The following CNTNAP4 variants were observed in gnomAD, a reference collection of about 807,000 sequenced individuals.
CNTNAP4 encodes the protein contactin associated protein family member 4.
In CNTNAP4, 98 loss-of-function variants were observed where a neutral mutation model predicts 148.4. The observed-to-expected ratio is 0.66, with a 90% CI of 0.56 to 0.78. The LOEUF is 0.78. Ranked by LOEUF, CNTNAP4 falls within the 30% of genes least tolerant of loss-of-function variation. The pLI, the probability that CNTNAP4 is intolerant of heterozygous loss-of-function variation, is 0.00. For missense variants in CNTNAP4, 1,935 were observed against 1,565.6 expected (o/e 1.24, Z -3.98); for synonymous variants, 730 against 565.1 (o/e 1.29, Z -4.14).
intron 2 of CNTNAP4, among the ~76,000 whole-genome samples, chr16:76,344,785 C>T (rs1325205254): frequency 2.6e-5 from 4 of 152,314 alleles, no homozygotes; most frequent in African/African-American, 4.8e-5. Flanking sequence ...AAAGTCACCT[C>T]TTTCGGTTGT....
intron 9 of CNTNAP4, among the ~76,000 whole-genome samples, chr16:76,462,315 T>G (rs981800617): frequency 2.0e-5 from 3 of 152,238 alleles, no homozygotes; most frequent in African/African-American, 7.2e-5. Context: ...GTTTACAGTT[T>G]CTTGATGAGA....
chr16:76,488,020 G>A (rs912539389), intron 12 of CNTNAP4, among the ~76,000 whole-genome samples: 10 of 152,116 alleles, frequency 6.6e-5, no homozygotes, highest in African/African-American at 2.2e-4. Context: ...TTGATTTACC[G>A]CAAGAAAAGG....
intron 3 of CNTNAP4, among the ~76,000 whole-genome samples, chr16:76,424,717 C>A (rs2079318194): frequency 1.3e-5 from 2 of 151,848 alleles, no homozygotes; most frequent in African/African-American, 2.4e-5. Context: ...TGAGATTGTG[C>A]CACTGCACTC....
At chr16:76,445,149 C>G (rs2080192439) in intron 4 of CNTNAP4, among the ~76,000 whole-genome samples, 1 of 152,132 alleles carries the variant, frequency 6.6e-6, no homozygotes, top group African/African-American at 2.4e-5. Flanking sequence ...AGTTATAGGA[C>G]TTGAAGACTG....
chr16:76,344,003 G>A (rs970401363), intron 2 of CNTNAP4, among the ~76,000 whole-genome samples: 8 of 152,192 alleles, frequency 5.3e-5, no homozygotes, highest in Admixed American at 4.6e-4. Context: ...GCAATTCATT[G>A]TGTAGTAAAA....
At chr16:76,480,258 T>G (rs978164777) in intron 12 of CNTNAP4, among the ~76,000 whole-genome samples, 1 of 152,194 alleles carries the variant, frequency 6.6e-6, no homozygotes, top group South Asian at 2.1e-4. Flanking sequence ...ATTAGGATTG[T>G]CATTGAACAA....
At position 76,553,450 on chromosome 16, in the gene CNTNAP4, GC is replaced by G; in HGVS notation, c.3613del (p.Gln1205SerfsTer22). ...TGHVTESSCM[A>X]QPGTDATSRE... ...ACACGTGACTGAGTCCAGCTGTATG[GC>G]CCAGCCTGGCACTGATGCCACATCA... On this transcript the variant is annotated frameshift_variant, in exon 22 of 24. Coordinates refer to ENST00000611870, the MANE Select transcript of CNTNAP4 (RefSeq NM_033401.5). LOFTEE classifies it high-confidence loss of function. 6.2e-7 allele frequency: 1 copy of G among 1,612,464 alleles called. No homozygotes were observed. The highest frequency in any genetic ancestry group is 8.5e-7 in the Non-Finnish European group (1 of 1,179,290).
chr16:76,489,839 A>T lies in CNTNAP4; in HGVS notation c.2036A>T (p.Glu679Val), dbSNP rs763526072. 2 of 1,593,946 alleles carry T rather than the reference A, an allele frequency of 1.3e-6. No homozygotes were observed. Among genetic ancestry groups the T allele is most frequent in the Non-Finnish European group, 1.7e-6 (2 of 1,167,452 alleles). ...TINRAEHCEQEFTYYCKKSRL... is the reference protein window; with the variant it reads ...TINRAEHCEQVFTYYCKKSRL... ...AACCGTGCAGAGCACTGTGAACAGG[A>T]GTTTACTTATTACTGCAAGAAGTCA... The change falls in exon 13 of 24, where the codon GAG becomes GTG. Residue 679 changes from glutamate (E) to valine (V), a missense_variant. Physicochemically the swap from Glu to Val is moderately radical, Grantham distance 121. Transcript: ENST00000611870.
chr16:76,306,669 A>G (rs969206370), intron 1 of CNTNAP4, among the ~76,000 whole-genome samples: 3 of 152,162 alleles, frequency 2.0e-5, no homozygotes, highest in African/African-American at 7.2e-5. Flanking sequence ...TTCCAAATCA[A>G]TTTATCACAC....
At chr16:76,396,539 C>G (rs1567993100) in intron 3 of CNTNAP4, among the ~76,000 whole-genome samples, 1 of 152,206 alleles carries the variant, frequency 6.6e-6, no homozygotes, top group Non-Finnish European at 1.5e-5. Flanking sequence ...TTGATCTTCA[C>G]TCAGACATGA....
chr16:76,553,395 C>T lies in CNTNAP4; in HGVS notation c.3555C>T (p.Pro1185=). ...CCCCTCTGAAGGCAGCTCTGCACCCCAGCCACCCAGACCCTGTCACTGTTA... is the reference window on the plus strand; with the variant it reads ...CCCCTCTGAAGGCAGCTCTGCACCCTAGCCACCCAGACCCTGTCACTGTTA... ...HVAPLKAALH[P]SHPDPVTVTG... is the part of the protein sequence containing the mutation. Residue 1185 remains proline, a synonymous_variant, in exon 22 of 24, where the codon CCC becomes CCT. Transcript: ENST00000611870. 1 of 1,612,530 alleles carries T rather than the reference C, an allele frequency of 6.2e-7. No individual in the cohort carries two copies. The highest frequency in any genetic ancestry group is 8.5e-7 in the Non-Finnish European group (1 of 1,179,214).
At chr16:76,333,995 T>A (rs1307569724) in intron 2 of CNTNAP4, among the ~76,000 whole-genome samples, 1 of 151,826 alleles carries the variant, frequency 6.6e-6, no homozygotes, top group East Asian at 1.9e-4. Flanking sequence ...GATTTGCATT[T>A]CTCTGATGGC....
intron 17 of CNTNAP4, among the ~76,000 whole-genome samples, chr16:76,533,795 A>G (rs2084094414): frequency 6.6e-6 from 1 of 152,220 alleles, no homozygotes; most frequent in Non-Finnish European, 1.5e-5. Context: ...ACTTGTGACA[A>G]TGGCAATATG....
intron 21 of CNTNAP4, among the ~76,000 whole-genome samples, chr16:76,543,947 ACC>A (rs34377120): frequency 0.22 from 32,721 of 151,918 alleles, 3,711 homozygotes; most frequent in African/African-American, 0.29. Flanking sequence ...TTAAATACAT[ACC>A]TTGTGATCAC....
Position 76,461,986 on chromosome 16 carries a change from C to T in CNTNAP4, c.1364C>T (p.Ser455Phe), listed in dbSNP as rs147714447. Residue 455 changes from serine to phenylalanine, a missense_variant, in exon 9 of 24, where the codon TCT (serine) becomes TTT (phenylalanine). By Grantham distance (155) the Ser-to-Phe change is radical. Transcript: ENST00000611870. ...GAATTAAATGATGGGCAGTGGCATT[C>T]TGTCTCTTTATCTGCTAAAAAGAAT... ...GVELNDGQWH[S>F]VSLSAKKNHL... is the part of the protein sequence containing the mutation. 3.5e-5 allele frequency: 57 copies of T among 1,613,828 alleles called. No homozygotes were observed. In the African/African-American group the frequency reaches 7.1e-4, roughly 20 times the overall value.
intron 21 of CNTNAP4, among the ~76,000 whole-genome samples, chr16:76,543,848 C>T (rs947520604): frequency 1.4e-4 from 22 of 152,150 alleles, no homozygotes; most frequent in African/African-American, 4.8e-4. Context: ...CCCTGTAGTT[C>T]GTGGTCTTTG....
chr16:76,494,824 A>T (rs1597728007), intron 13 of CNTNAP4, 86 bp from the exon 14 acceptor site: 8 of 1,332,188 alleles, frequency 6.0e-6, no homozygotes, highest in Middle Eastern at 1.9e-4. Flanking sequence ...ATTCTTTTTA[A>T]TGATTTTGGA....
intron 3 of CNTNAP4, among the ~76,000 whole-genome samples, chr16:76,382,751 T>C (rs150690712): frequency 1.0e-3 from 155 of 152,298 alleles, no homozygotes; most frequent in African/African-American, 3.6e-3. Context: ...CTGAGGGCAC[T>C]AAATACCACT....
At chr16:76,517,410 A>T (rs2083290296) in intron 15 of CNTNAP4, among the ~76,000 whole-genome samples, 1 of 152,224 alleles carries the variant, frequency 6.6e-6, no homozygotes, top group Non-Finnish European at 1.5e-5. Context: ...CTGCGTAAGA[A>T]TCTACAAACA....
Sources: allele counts gnomAD v4.1 joint callset (sites outside exome capture counted in the v4.1 genomes callset), GRCh38; gene constraint gnomAD v4.1.1; transcripts MANE v1.5; gene names NCBI Gene and HGNC (gene_info 2026-07-23, HGNC 2026-07-21).